The following MEGF11 variants were observed in gnomAD, a reference collection of about 807,000 sequenced individuals.
The protein encoded by MEGF11 is multiple EGF like domains 11.
A neutral mutation model predicts 146.6 loss-of-function variants in MEGF11; 126 were observed. That is an observed-to-expected ratio of 0.86 (90% CI 0.74 to 1.00). The LOEUF (loss-of-function observed/expected upper bound fraction) is 1.00, where lower values mean the gene tolerates loss of function less well. Ranked by LOEUF, MEGF11 falls within the 50% of genes least tolerant of loss-of-function variation. The pLI is 0.00. For synonymous variants in MEGF11, 532 were observed against 583.4 expected (o/e 0.91, Z 1.27); for missense variants, 1,509 against 1,521.2 (o/e 0.99, Z 0.13).
intron 1 of MEGF11, among the ~76,000 whole-genome samples, chr15:66,229,163 A>T (rs1489069899): frequency 6.6e-6 from 1 of 152,100 alleles, no homozygotes; most frequent in Non-Finnish European, 1.5e-5. Context: ...TTCTTAGTCA[A>T]ATAATGATGA....
rs2078348184 is a variant in MEGF11, at chr15:65,895,752, T to C, written c.*2182A>G. 6.6e-6 allele frequency: 1 copy of C among 152,604 alleles called. No homozygotes were observed. 9.5% of individuals were successfully genotyped at this position (152,604 alleles called of 1,614,324 possible). ...TTAAAAAGTCATGGACTGCTAGAGC[T>C]GAAGGGTTAGTAGAGCTGTCTTCCC... On this transcript the variant is annotated 3_prime_UTR_variant, in exon 26 of 26. Transcript: ENST00000395614.
chr15:65,957,522 C>T lies in MEGF11; in HGVS notation c.1287+25G>A, dbSNP rs1198352532. 4.4e-6 allele frequency: 7 copies of T among 1,605,104 alleles called. No homozygotes were observed. The Admixed American group carries it at 1.2e-4, about 27-fold the overall frequency. ...ACTGGCCCGGTGGAGGTCAGGAAGG[C>T]CACGGGAGGCCCCTCCCATCTTACC... is the stretch of plus-strand genomic sequence containing the variant. On this transcript the variant is annotated intron_variant, in intron 10 of 25. Coordinates refer to ENST00000395614, the MANE Select transcript of MEGF11 (RefSeq NM_001385028.1).
chr15:65,933,463 G>C (rs1300595633), intron 10 of MEGF11, among the ~76,000 whole-genome samples: 1 of 152,216 alleles, frequency 6.6e-6, no homozygotes, highest in Non-Finnish European at 1.5e-5. Context: ...GGCTCAGAGA[G>C]GCCTCCTGCC....
At chr15:66,032,990 A>G (rs1029630387) in intron 5 of MEGF11, among the ~76,000 whole-genome samples, 13 of 147,564 alleles carry the variant, frequency 8.8e-5, no homozygotes, top group African/African-American at 3.2e-4. Context: ...CTGAGGCAGG[A>G]GAATGGCGTG....
At chr15:66,071,176 C>A (rs187347025) in intron 5 of MEGF11, among the ~76,000 whole-genome samples, 63 of 152,298 alleles carry the variant, frequency 4.1e-4, no homozygotes, top group African/African-American at 1.5e-3. Flanking sequence ...CCTCCTGCCC[C>A]GTACACAGGT....
chr15:65,993,405 C>CA (rs1190824325), intron 5 of MEGF11, among the ~76,000 whole-genome samples: 1 of 152,208 alleles, frequency 6.6e-6, no homozygotes, highest in Non-Finnish European at 1.5e-5. Flanking sequence ...AGCGGCCCAG[C>CA]AGCTTCTGAT....
chr15:66,161,052 C>T (rs565703973), intron 1 of MEGF11, among the ~76,000 whole-genome samples: 1 of 152,108 alleles, frequency 6.6e-6, no homozygotes, highest in Non-Finnish European at 1.5e-5. Context: ...TGGCTCGTGA[C>T]ATGAGGTCAC....
intron 2 of MEGF11, among the ~76,000 whole-genome samples, chr15:66,125,851 T>G (rs1490915224): frequency 6.6e-6 from 1 of 152,144 alleles, no homozygotes; most frequent in African/African-American, 2.4e-5. Flanking sequence ...TTTTCAGCCC[T>G]AACATAGACC....
intron 5 of MEGF11, among the ~76,000 whole-genome samples, chr15:66,022,343 C>T (rs1340184400): frequency 6.6e-6 from 1 of 152,200 alleles, no homozygotes; most frequent in Non-Finnish European, 1.5e-5. Context: ...ATGGTCATGC[C>T]CAATGGCCTC....
At chr15:65,995,930 C>T (rs999087362) in intron 5 of MEGF11, among the ~76,000 whole-genome samples, 1 of 152,130 alleles carries the variant, frequency 6.6e-6, no homozygotes, top group African/African-American at 2.4e-5. Context: ...CTTACTGTAC[C>T]CTTCCATCAT....
chr15:65,954,594 C>G (rs975366798), intron 10 of MEGF11, among the ~76,000 whole-genome samples: 6 of 152,212 alleles, frequency 3.9e-5, no homozygotes, highest in African/African-American at 1.4e-4. Context: ...CTCACCAGGG[C>G]AGCTTGACTC....
chr15:66,223,566 T>C (rs1024952232), intron 1 of MEGF11, among the ~76,000 whole-genome samples: 1 of 151,852 alleles, frequency 6.6e-6, no homozygotes, highest in Admixed American at 6.6e-5. Context: ...CTCCTAAAAA[T>C]ACCAAAATTA....
At chr15:66,100,907 G>GGTGA (rs1209024165) in intron 4 of MEGF11, among the ~76,000 whole-genome samples, 3 of 149,906 alleles carry the variant, frequency 2.0e-5, no homozygotes, top group African/African-American at 7.4e-5. Flanking sequence ...TGGGTGGGTG[G>GGTGA]GTGAGTGAGT....
intron 16 of MEGF11, among the ~76,000 whole-genome samples, 160 bp downstream of exon 16, chr15:65,917,806 A>G (rs2079050289): frequency 7.5e-6 from 1 of 133,880 alleles, no homozygotes; most frequent in Non-Finnish European, 1.8e-5. Context: ...CTAATAATCC[A>G]TCATGTTAGC....
chr15:65,903,609 A>G (rs1216884751), intron 24 of MEGF11, among the ~76,000 whole-genome samples: 2 of 152,242 alleles, frequency 1.3e-5, no homozygotes, highest in African/African-American at 2.4e-5. Context: ...AACTAGGACT[A>G]CAACCCACAT....
At chr15:66,057,854 C>G (rs974263144) in intron 5 of MEGF11, among the ~76,000 whole-genome samples, 2 of 152,164 alleles carry the variant, frequency 1.3e-5, no homozygotes, top group Admixed American at 1.3e-4. Context: ...AACGAAAACC[C>G]CCTTTCAGCA....
At chr15:65,911,314 G>A (rs920324099) in intron 21 of MEGF11, among the ~76,000 whole-genome samples, 1 of 152,242 alleles carries the variant, frequency 6.6e-6, no homozygotes, top group Admixed American at 6.5e-5. Flanking sequence ...AAGAAACATT[G>A]TGAGGTGGTT....
intron 7 of MEGF11, among the ~76,000 whole-genome samples, chr15:65,976,626 A>G (rs761340751): frequency 6.6e-6 from 1 of 152,218 alleles, no homozygotes; most frequent in Non-Finnish European, 1.5e-5. Flanking sequence ...GAACTGTGAG[A>G]ATCAGTTTCT....
chr15:65,993,601 C>A (rs1016058042), intron 5 of MEGF11, among the ~76,000 whole-genome samples: 3 of 152,212 alleles, frequency 2.0e-5, no homozygotes, highest in Non-Finnish European at 2.9e-5. Context: ...CGACGTGGCC[C>A]CCTCACTTGC....
Sources: gnomAD v4.1 joint callset for allele counts (sites outside exome capture counted in the v4.1 genomes callset) on GRCh38, gnomAD v4.1.1 for gene constraint, MANE v1.5 for transcripts, NCBI Gene and HGNC (gene_info 2026-07-23, HGNC 2026-07-21) for gene names.